The following ZNF536 variants were observed in gnomAD, a reference collection of about 807,000 sequenced individuals.
The protein encoded by ZNF536 is zinc finger protein 536.
In ZNF536, 13 loss-of-function variants were observed where a neutral mutation model predicts 84.5. The observed-to-expected ratio is 0.15, with a 90% CI of 0.10 to 0.24. ZNF536 has a LOEUF of 0.24. Ranked by LOEUF, ZNF536 falls within the 10% of genes least tolerant of loss-of-function variation. The pLI is 1.00. For missense variants in ZNF536, 1,536 were observed against 1,747.5 expected (o/e 0.88, Z 2.16); for synonymous variants, 811 against 742.5 (o/e 1.09, Z -1.50).
intron 2 of ZNF536, among the ~76,000 whole-genome samples, chr19:30,302,599 A>G (rs1568316728): frequency 6.6e-6 from 1 of 152,144 alleles, no homozygotes; most frequent in African/African-American, 2.4e-5. Context: ...CTCTCAAGAG[A>G]AAGTGTCCTC....
chr19:30,662,363 T>G (rs1352616732), intron 1 of ZNF536, among the ~76,000 whole-genome samples: 1 of 152,222 alleles, frequency 6.6e-6, no homozygotes, highest in African/African-American at 2.4e-5. Flanking sequence ...CACAGTAATT[T>G]AAGAACAGTC....
intron 1 of ZNF536, among the ~76,000 whole-genome samples, chr19:30,606,305 T>TA (rs1296076173): frequency 2.4e-5 from 2 of 82,118 alleles, no homozygotes; most frequent in Admixed American, 2.2e-4. Flanking sequence ...TAAAATAAAA[T>TA]AAAATAAAAT....
intron 1 of ZNF536, among the ~76,000 whole-genome samples, chr19:30,442,730 A>T (rs185354408): frequency 1.3e-5 from 2 of 152,238 alleles, no homozygotes; most frequent in Non-Finnish European, 1.5e-5. Flanking sequence ...GTTTCGTAAC[A>T]TAAGGGTTAA....
chr19:30,612,448 C>A (rs1410595150), intron 1 of ZNF536, among the ~76,000 whole-genome samples: 1 of 152,174 alleles, frequency 6.6e-6, no homozygotes, highest in Admixed American at 6.5e-5. Flanking sequence ...CCACTTGATT[C>A]TCACTGAGGT....
Position 30,372,405 on chromosome 19 carries a change from G to C in ZNF536, c.-154G>C, listed in dbSNP as rs1427089210. 1 of 152,242 alleles carries C rather than the reference G, an allele frequency of 6.6e-6. No individual in the cohort carries two copies. Among genetic ancestry groups the C allele is most frequent in the African/African-American group, 2.4e-5 (1 of 41,444 alleles). 9.4% of individuals were successfully genotyped at this position (152,242 alleles called of 1,614,324 possible). A position where few individuals can be genotyped will look rare whatever the true frequency, so the allele number is the denominator to read the frequency against. On this transcript the variant is annotated 5_prime_UTR_variant, in exon 1 of 5. Coordinates refer to ENST00000355537, the MANE Select transcript of ZNF536 (RefSeq NM_014717.3). ...CTGGGATTTTGCTGAGGCCAGCTTT[G>C]GAACAGGGGAGGTGAGTCTGGAGAA...
chr19:30,273,143 C>T (rs543227005), intron 1 of ZNF536, among the ~76,000 whole-genome samples: 1 of 152,288 alleles, frequency 6.6e-6, no homozygotes, highest in Admixed American at 6.5e-5. Context: ...ATCAAACGAT[C>T]CTCCTGCCTC....
At chr19:30,495,969 T>C (rs185034654) in intron 2 of ZNF536, among the ~76,000 whole-genome samples, 241 of 152,300 alleles carry the variant, frequency 1.6e-3, no homozygotes, top group Non-Finnish European at 3.1e-3. Flanking sequence ...GATAATTTTG[T>C]TTCTTGCTTG....
chr19:30,430,203 G>A (rs372923391), intron 1 of ZNF536, among the ~76,000 whole-genome samples: 49 of 152,282 alleles, frequency 3.2e-4, no homozygotes, highest in South Asian at 6.2e-4. Flanking sequence ...TCTTCCTCCC[G>A]GCATCCCCGC....
At chr19:30,558,302 G>T (rs370044371), downstream of ZNF536, among the ~76,000 whole-genome samples, 1 of 152,158 alleles carries the variant, frequency 6.6e-6, no homozygotes, top group African/African-American at 2.4e-5. Context: ...TGTGGGGGGT[G>T]GGGGAGAGCC....
intron 1 of ZNF536, among the ~76,000 whole-genome samples, chr19:30,666,222 C>T (rs2050313142): frequency 6.6e-6 from 1 of 152,234 alleles, no homozygotes; most frequent in Admixed American, 6.5e-5. Flanking sequence ...CCAGCCCTCC[C>T]AGCAGCAGGT....
At chr19:30,569,559 CTTTTTT>C (rs34995610) in intron 1 of ZNF536, among the ~76,000 whole-genome samples, 56 of 55,078 alleles carry the variant, frequency 1.0e-3, no homozygotes, top group African/African-American at 3.8e-3. Flanking sequence ...GATAAACGTT[CTTTTTT>C]TTTTTTTTTT....
intron 1 of ZNF536, among the ~76,000 whole-genome samples, chr19:30,279,849 G>A (rs993492070): frequency 6.6e-6 from 1 of 152,160 alleles, no homozygotes; most frequent in Non-Finnish European, 1.5e-5. Context: ...GGCCGAAGGA[G>A]CCGGACTGGC....
At chr19:30,458,745 C>T (rs1393353836) in intron 2 of ZNF536, among the ~76,000 whole-genome samples, 1 of 152,176 alleles carries the variant, frequency 6.6e-6, no homozygotes, top group Non-Finnish European at 1.5e-5. Context: ...AGCCACCACG[C>T]CTGGCTGATT....
At chr19:30,377,281 C>T (rs922963607) in intron 1 of ZNF536, among the ~76,000 whole-genome samples, 4 of 152,060 alleles carry the variant, frequency 2.6e-5, no homozygotes, top group Admixed American at 6.5e-5. Flanking sequence ...GTGTGGGCCG[C>T]GCTCACAGAA....
Position 30,435,148 on chromosome 19 carries a change from T to G in ZNF536, c.-2-8413T>G, listed in dbSNP as rs1439962047. ...TGATGATGCTGATGATGATGGTGATTATGATGGTGATGGTGGTGATGCTGA... is the reference window on the plus strand; with the variant it reads ...TGATGATGCTGATGATGATGGTGATGATGATGGTGATGGTGGTGATGCTGA... On this transcript the variant is annotated intron_variant, in intron 1 of 4. Coordinates refer to ENST00000355537, the MANE Select transcript of ZNF536 (RefSeq NM_014717.3). 2.0e-3 allele frequency among the ~76,000 whole-genome samples: 227 copies of G among 114,918 alleles called. No homozygotes were observed. In the Middle Eastern group the frequency reaches 0.047, roughly 24 times the overall value. 75.4% of individuals were successfully genotyped at this position (114,918 alleles called of 152,430 possible). A position where few individuals can be genotyped will look rare whatever the true frequency, so the allele number is the denominator to read the frequency against.
At chr19:30,633,380 A>G (rs1039361458) in intron 1 of ZNF536, among the ~76,000 whole-genome samples, 1 of 152,382 alleles carries the variant, frequency 6.6e-6, no homozygotes, top group African/African-American at 2.4e-5. Flanking sequence ...TCTGATTAAC[A>G]TATCCCATCA....
intron 2 of ZNF536, among the ~76,000 whole-genome samples, chr19:30,509,661 C>A (rs1016758143): frequency 1.3e-5 from 2 of 152,020 alleles, no homozygotes; most frequent in Admixed American, 6.6e-5. Flanking sequence ...AAATAGTTAT[C>A]CTTTTTTTGT....
chr19:30,248,551 T>A (rs1744063608), intron 1 of ZNF536, among the ~76,000 whole-genome samples: 1 of 152,092 alleles, frequency 6.6e-6, no homozygotes, highest in Non-Finnish European at 1.5e-5. Context: ...ACCAGAATCT[T>A]CAGATTTCTA....
chr19:30,358,448 G>A (rs553269808), intron 3 of ZNF536, among the ~76,000 whole-genome samples: 1 of 152,204 alleles, frequency 6.6e-6, no homozygotes, highest in Non-Finnish European at 1.5e-5. Flanking sequence ...TGGGTGGTGG[G>A]GTTTGTGTCT....
Sources: allele counts gnomAD v4.1 joint callset (sites outside exome capture counted in the v4.1 genomes callset), GRCh38; gene constraint gnomAD v4.1.1; transcripts MANE v1.5; gene names NCBI Gene and HGNC (gene_info 2026-07-23, HGNC 2026-07-21).